NUP62: variants seen among roughly 807,000 people sequenced by gnomAD.
The protein encoded by NUP62 is nuclear pore glycoprotein p62.
For synonymous variants in NUP62, 305 were observed against 303.4 expected (o/e 1.01, Z -0.05); for missense variants, 647 against 689.4 (o/e 0.94, Z 0.69).
rs2075385396 is a variant in NUP62, at chr19:49,908,909, G to A, written c.899C>T (p.Ala300Val). 1 of 1,607,744 alleles carries A rather than the reference G, an allele frequency of 6.2e-7. No individual in the cohort carries two copies. Among genetic ancestry groups the A allele is most frequent in the African/African-American group, 1.3e-5 (1 of 74,820 alleles). The change falls in exon 3 of 3, where the codon GCC (alanine) becomes GTC (valine). Residue 300 changes from alanine (A) to valine (V), a missense_variant. Ala to Val is a moderately conservative substitution (Grantham distance 64). Transcript: ENST00000352066. ...FALNLKPLAP[A>V]GIPSNTAAAV... is the part of the protein sequence containing the mutation. ...AGCTGCTGTATTGCTGGGGATCCCG[G>A]CTGGCGCCAGTGGTTTTAAATTCAA...
chr19:49,922,648 G>A (rs1347362507), intron 2 of NUP62, among the ~76,000 whole-genome samples: 1 of 151,726 alleles, frequency 6.6e-6, no homozygotes, highest in Non-Finnish European at 1.5e-5. Context: ...CACACTGGTG[G>A]TTTGCTGGGG....
chr19:49,925,183 C>A (rs1240719516), intron 2 of NUP62, among the ~76,000 whole-genome samples: 1 of 152,078 alleles, frequency 6.6e-6, no homozygotes, highest in Non-Finnish European at 1.5e-5. Context: ...ATCTCTTGAA[C>A]CCAGGAGGCA....
intron 2 of NUP62, among the ~76,000 whole-genome samples, chr19:49,926,523 C>G (rs533764366): frequency 6.8e-6 from 1 of 146,044 alleles, no homozygotes; most frequent in South Asian, 2.2e-4. Flanking sequence ...CAGCAAGACT[C>G]TGTCTCAAAA....
intron 1 of NUP62, chr19:49,928,662 A>G (rs1298947461): frequency 6.6e-6 from 1 of 152,146 alleles, no homozygotes; most frequent in African/African-American, 2.4e-5. Context: ...GAAGTAAGAG[A>G]ACTTAAGTTA....
intron 2 of NUP62, among the ~76,000 whole-genome samples, chr19:49,910,293 T>C (rs147213944): frequency 0.011 from 1,642 of 151,870 alleles, 27 homozygotes; most frequent in African/African-American, 0.037. Context: ...TCTAGCAGGG[T>C]GTGAGCGGAT....
chr19:49,928,762 C>G (rs1352378555), intron 1 of NUP62: 1 of 152,134 alleles, frequency 6.6e-6, no homozygotes, highest in Admixed American at 6.5e-5. Context: ...TCAGAGTCAG[C>G]AGCTGGGGGA....
rs1267867534 is a variant in NUP62 at position 49,907,774 on chromosome 19, C to G, written c.*465G>C. The G allele has an allele frequency of 9.6e-5, 32 of 331,830 alleles. No individual in the cohort carries two copies. Among genetic ancestry groups the G allele is most frequent in the Non-Finnish European group, 1.7e-4 (30 of 172,106 alleles). The allele number at this position is 331,830 out of a possible 1,614,324, so 20.6% of individuals were successfully genotyped here. A position where few individuals can be genotyped will look rare whatever the true frequency, so the allele number is the denominator to read the frequency against. On this transcript the variant is annotated 3_prime_UTR_variant, in exon 3 of 3. Coordinates refer to ENST00000352066, the MANE Select transcript of NUP62 (RefSeq NM_016553.5). Reference sequence around the variant, plus strand: ...TGGTCTCGAACTCCTGACCTCAAGTCATCTGCCCGCCTTGGCCACCCAAAG... The same window carrying G: ...TGGTCTCGAACTCCTGACCTCAAGTGATCTGCCCGCCTTGGCCACCCAAAG...
intron 2 of NUP62, among the ~76,000 whole-genome samples, chr19:49,926,651 G>A (rs2075898432): frequency 6.6e-6 from 1 of 152,162 alleles, no homozygotes; most frequent in Non-Finnish European, 1.5e-5. Context: ...CCTTACCACT[G>A]GCAGTCTGCC....
chr19:49,913,800 T>C (rs938518651), intron 2 of NUP62, among the ~76,000 whole-genome samples: 6 of 152,150 alleles, frequency 3.9e-5, no homozygotes, highest in Admixed American at 2.6e-4. Context: ...GTGGGCCACG[T>C]GACAGGCGGG....
Position 49,910,236 on chromosome 19 carries a change from G to A in NUP62, c.-77-352C>T, listed in dbSNP as rs143438299. 2.4e-3 allele frequency among the ~76,000 whole-genome samples: 361 copies of A among 152,240 alleles called. 1 individual carries two copies. Among genetic ancestry groups the A allele is most frequent in the Admixed American group, 4.4e-3 (67 of 15,288 alleles). On this transcript the variant is annotated intron_variant, in intron 2 of 2. Coordinates refer to ENST00000352066, the MANE Select transcript of NUP62 (RefSeq NM_016553.5). ...GGGACTAGGACACACAAGAACAGCT[G>A]TAGGACCTGCTCCCAGCGTGGGACC...
chr19:49,919,764 A>C (rs1339076204), intron 2 of NUP62, among the ~76,000 whole-genome samples: 1 of 151,412 alleles, frequency 6.6e-6, no homozygotes, highest in Admixed American at 6.6e-5. Context: ...AGCCAGAGAG[A>C]GATTTTAAGG....
intron 2 of NUP62, among the ~76,000 whole-genome samples, chr19:49,912,569 G>T (rs1031443095): frequency 6.6e-6 from 1 of 152,116 alleles, no homozygotes; most frequent in Admixed American, 6.6e-5. Context: ...CCTGATCCAC[G>T]CAGTTTAGAT....
At chr19:49,928,535 GT>G (rs2075969136) in intron 1 of NUP62, 1 of 120,654 alleles carries the variant, frequency 8.3e-6, no homozygotes. Context: ...AAAAAAAACA[GT>G]TGAACAGGAA....
Position 49,907,537 on chromosome 19 carries a change from C to CTTTT in NUP62, c.*698_*701dup, listed in dbSNP as rs4009637. ...CTAGGCTGCTGTCTCCTGGGAGTTTCTTTTTTTTTTTTTTTTTTTTTGAGA... is the reference window on the plus strand; with the variant it reads ...CTAGGCTGCTGTCTCCTGGGAGTTTCTTTTTTTTTTTTTTTTTTTTTTTTTGAGA... On this transcript the variant is annotated 3_prime_UTR_variant, in exon 3 of 3. Transcript: ENST00000352066. The CTTTT allele has an allele frequency of 9.1e-4, 302 of 332,510 alleles. No homozygotes were observed. The highest frequency in any genetic ancestry group is 1.6e-3 in the South Asian group (74 of 46,532). 20.6% of individuals were successfully genotyped at this position (332,510 alleles called of 1,614,324 possible).
intron 2 of NUP62, among the ~76,000 whole-genome samples, chr19:49,918,986 C>T (rs186424645): frequency 1.3e-5 from 2 of 148,208 alleles, no homozygotes; most frequent in South Asian, 2.2e-4. Context: ...CCCATCTCTA[C>T]AAAAAAAAAT....
intron 2 of NUP62, among the ~76,000 whole-genome samples, chr19:49,913,598 TCTC>T (rs1365920165): frequency 6.6e-6 from 1 of 152,246 alleles, no homozygotes; most frequent in Admixed American, 6.5e-5. Flanking sequence ...TCCGCGGGAC[TCTC>T]TCTACCTGCA....
chr19:49,911,161 C>T (rs1351813737), intron 2 of NUP62: 1 of 152,232 alleles, frequency 6.6e-6, no homozygotes, highest in Non-Finnish European at 1.5e-5. Context: ...TTTGTCCTCT[C>T]AAAGTGCCAG....
chr19:49,922,794 CGGTGCCTTTCAGGGGCCCA>C (rs1390905140), intron 2 of NUP62, among the ~76,000 whole-genome samples: 2 of 152,256 alleles, frequency 1.3e-5, no homozygotes, highest in African/African-American at 4.8e-5. Flanking sequence ...GCTGCGGCCC[CGGTGCCTTTCAGGGGCCCA>C]GGTGCTTCTG....
At chr19:49,919,458 G>A (rs1030621382) in intron 2 of NUP62, among the ~76,000 whole-genome samples, 1 of 152,196 alleles carries the variant, frequency 6.6e-6, no homozygotes, top group Non-Finnish European at 1.5e-5. Context: ...CCGGGTAGAT[G>A]AGGAAACCGA....
Sources: allele counts gnomAD v4.1 joint callset (sites outside exome capture counted in the v4.1 genomes callset), GRCh38; gene constraint gnomAD v4.1.1; transcripts MANE v1.5; gene names NCBI Gene and HGNC (gene_info 2026-07-23, HGNC 2026-07-21).